The following CD109 variants were observed in gnomAD, a reference collection of about 807,000 sequenced individuals.
The protein encoded by CD109 is CD109 antigen.
CD109 carries 149 observed loss-of-function variants against 165.8 expected under a neutral mutation model. The ratio of observed to expected loss-of-function variants is 0.90; its 90% confidence interval spans 0.79 to 1.03. CD109 has a LOEUF of 1.03. CD109 is among the 50% of genes least tolerant of loss of function. The pLI, the probability that CD109 is intolerant of heterozygous loss-of-function variation, is 0.00. For synonymous variants in CD109, 585 were observed against 592.1 expected, an observed-to-expected ratio of 0.99 and a Z score of 0.18; for missense variants, 1,712 against 1,677.8, an observed-to-expected ratio of 1.02 and a Z score of -0.36.
chr6:73,731,705 A>T (rs1276333391), intron 4 of CD109, among the ~76,000 whole-genome samples: 1 of 152,212 alleles, frequency 6.6e-6, no homozygotes, highest in African/African-American at 2.4e-5. Context: ...AGAAGAATAG[A>T]TGCTAGATGC....
intron 11 of CD109, 88 bp from the exon 12 acceptor site, chr6:73,766,671 G>T: frequency 1.1e-6 from 1 of 872,316 alleles, no homozygotes; most frequent in South Asian, 1.6e-5. Context: ...AGATGAATTT[G>T]GTCTTTAATA....
intron 22 of CD109, among the ~76,000 whole-genome samples, chr6:73,790,221 T>C (rs1444984537): frequency 6.6e-6 from 1 of 150,814 alleles, no homozygotes; most frequent in Non-Finnish European, 1.5e-5. Flanking sequence ...TGGCCTCCTA[T>C]GAAGATGGGA....
chr6:73,753,673 C>A (rs974559316), intron 5 of CD109, among the ~76,000 whole-genome samples: 3 of 152,120 alleles, frequency 2.0e-5, no homozygotes, highest in African/African-American at 4.8e-5. Context: ...CCTTTGTGTT[C>A]TTCATTTTTC....
chr6:73,766,173 C>A lies in CD109; in HGVS notation c.1332+19C>A. On this transcript the variant is annotated intron_variant, in intron 11 of 32. Coordinates refer to ENST00000287097, the MANE Select transcript of CD109 (RefSeq NM_133493.5). ...GTTGAAGGTGCCGTCTGTTTCCCAT[C>A]ATTGTGTCACTGCAACAACACCATT... 6.4e-7 allele frequency: 1 copy of A among 1,572,658 alleles called. No homozygotes were observed. Among genetic ancestry groups the A allele is most frequent in the Non-Finnish European group, 8.7e-7 (1 of 1,142,862 alleles).
intron 5 of CD109, among the ~76,000 whole-genome samples, chr6:73,747,387 A>G (rs962091900): frequency 8.5e-5 from 13 of 152,106 alleles, no homozygotes; most frequent in African/African-American, 9.7e-5. Flanking sequence ...AACTCACTCC[A>G]GTTTGACTGA....
chr6:73,700,410 C>G (rs9446985), intron 2 of CD109, among the ~76,000 whole-genome samples: 1 of 152,032 alleles, frequency 6.6e-6, no homozygotes, highest in East Asian at 1.9e-4. Flanking sequence ...CCCCAGCCCC[C>G]CAACAGAAGG....
chr6:73,821,908 C>T (rs1414336935), intron 32 of CD109, among the ~76,000 whole-genome samples: 2 of 152,212 alleles, frequency 1.3e-5, no homozygotes, highest in African/African-American at 4.8e-5. Flanking sequence ...AATGGGACTT[C>T]TTCAGGAGAG....
intron 32 of CD109, among the ~76,000 whole-genome samples, chr6:73,822,231 TG>T (rs1229134809): frequency 6.6e-6 from 1 of 152,184 alleles, no homozygotes; most frequent in Admixed American, 6.5e-5. Flanking sequence ...TGTTTCTAAT[TG>T]TAATATGTCT....
rs1019693423 is a variant in CD109, at chr6:73,789,477, G to A, written c.2701+865G>A. On this transcript the variant is annotated intron_variant, in intron 22 of 32. Coordinates refer to ENST00000287097, the MANE Select transcript of CD109 (RefSeq NM_133493.5). Reference sequence around the variant, plus strand: ...TCTGAGCATTTTTTTTTTTTGAGGCGGAGTCTCGCTCTGTCGCCCAGGCTG... The same window carrying A: ...TCTGAGCATTTTTTTTTTTTGAGGCAGAGTCTCGCTCTGTCGCCCAGGCTG... Among the ~76,000 whole-genome samples, 9 of 151,444 alleles carry A rather than the reference G, an allele frequency of 5.9e-5. No homozygotes were observed. In the South Asian group the frequency reaches 1.7e-3, roughly 28 times the overall value.
At chr6:73,745,250 G>A (rs1022156625) in intron 5 of CD109, among the ~76,000 whole-genome samples, 2 of 152,036 alleles carry the variant, frequency 1.3e-5, no homozygotes, top group Non-Finnish European at 2.9e-5. Flanking sequence ...TTACAGGCAT[G>A]TGCCACCATG....
chr6:73,769,069 C>A (rs45464791), intron 14 of CD109, among the ~76,000 whole-genome samples: 16,708 of 151,628 alleles, frequency 0.11, 1,183 homozygotes, highest in Non-Finnish European at 0.16. Flanking sequence ...TTTGTATTTT[C>A]GGTAGAGAGA....
chr6:73,763,576 G>A lies in CD109; in HGVS notation c.998G>A (p.Gly333Asp), dbSNP rs774492837. Residue 333 changes from glycine to aspartate, a missense_variant and splice_region_variant, in exon 10 of 33, where the codon GGT becomes GAT. Gly to Asp is a moderately conservative substitution (Grantham distance 94). Coordinates refer to ENST00000287097, the MANE Select transcript of CD109 (RefSeq NM_133493.5). ...ILTTVTESVT[G>D]ISRNVSTNVF... ...CTAAATTGTGCAATTTCCAAAAAAG[G>A]TATTTCAAGAAATGTAAGCACTAAT... 1 of 1,525,472 alleles carries A rather than the reference G, an allele frequency of 6.6e-7. No homozygotes were observed. The highest frequency in any genetic ancestry group is 8.9e-7 in the Non-Finnish European group (1 of 1,119,810). 94.5% of individuals were successfully genotyped at this position (1,525,472 alleles called of 1,614,324 possible).
chr6:73,735,938 C>G (rs1042520060), intron 4 of CD109, among the ~76,000 whole-genome samples: 1 of 152,180 alleles, frequency 6.6e-6, no homozygotes, highest in African/African-American at 2.4e-5. Context: ...ACTACCACCA[C>G]CGCCGCCACC....
intron 2 of CD109, among the ~76,000 whole-genome samples, chr6:73,698,969 C>G (rs1034934628): frequency 6.6e-6 from 1 of 152,134 alleles, no homozygotes; most frequent in Non-Finnish European, 1.5e-5. Flanking sequence ...TATAGTACCT[C>G]TTAGGCATGC....
chr6:73,806,921 C>CAT lies in CD109; in HGVS notation c.3040_3041dup (p.Trp1016LeufsTer19). ...ATTGATCAGAATGTGTTACACAGAA[C>CAT]ATACACTTGGCTTAAAGGACATCAG... On this transcript the variant is annotated frameshift_variant, in exon 25 of 33. Transcript: ENST00000287097. LOFTEE classifies it high-confidence loss of function. 6.2e-7 allele frequency: 1 copy of CAT among 1,613,910 alleles called. No individual in the cohort carries two copies. The highest frequency in any genetic ancestry group is 8.5e-7 in the Non-Finnish European group (1 of 1,179,932).
the CD109 span, among the ~76,000 whole-genome samples, chr6:73,679,729 G>A: frequency 1.3e-5 from 2 of 151,784 alleles, no homozygotes; most frequent in Admixed American, 1.3e-4. Context: ...TCCGCCTCCT[G>A]GGTTCAAGTG....
intron 30 of CD109, among the ~76,000 whole-genome samples, chr6:73,816,948 G>A (rs1210634882): frequency 1.3e-5 from 2 of 152,142 alleles, no homozygotes; most frequent in African/African-American, 4.8e-5. Flanking sequence ...TCAGGAATCA[G>A]GTGGACAACA....
intron 24 of CD109, 142 bp downstream of exon 24, chr6:73,803,443 A>G (rs911672998): frequency 1.7e-6 from 1 of 591,976 alleles, no homozygotes; most frequent in Non-Finnish European, 3.0e-6. Context: ...TTAAAAAGAG[A>G]TTTTCTTTTT....
chr6:73,720,426 G>T lies in CD109; in HGVS notation c.248-2825G>T, dbSNP rs570645382. ...TTATACGGGAGGAATAATTTCAAGA[G>T]ATCTAGTGTACAGCATGGTGACTAT... On this transcript the variant is annotated intron_variant, in intron 2 of 32. Coordinates refer to ENST00000287097, the MANE Select transcript of CD109 (RefSeq NM_133493.5). Among the ~76,000 whole-genome samples the T allele has an allele frequency of 2.6e-5, 4 of 152,262 alleles. No homozygotes were observed. The South Asian group carries it at 8.3e-4, about 32-fold the overall frequency.
Sources: allele counts gnomAD v4.1 joint callset (sites outside exome capture counted in the v4.1 genomes callset), GRCh38; gene constraint gnomAD v4.1.1; transcripts MANE v1.5; gene names NCBI Gene and HGNC (gene_info 2026-07-23, HGNC 2026-07-21).